The following MAGI1 variants were observed in gnomAD, a reference collection of about 807,000 sequenced individuals.
MAGI1 encodes membrane associated guanylate kinase, WW and PDZ domain containing 1, also known as membrane-associated guanylate kinase, WW and PDZ domain-containing protein 1.
In MAGI1, 58 loss-of-function variants were observed where a neutral mutation model predicts 139.9. The observed-to-expected ratio is 0.41, with a 90% confidence interval of 0.34 to 0.52. The LOEUF (loss-of-function observed/expected upper bound fraction) is 0.52. Among genes scored for constraint, MAGI1 ranks in the 20% least tolerant of loss-of-function variants. The probability of loss-of-function intolerance (pLI) is 0.12; values close to 1 mark genes in which losing one functional copy is unlikely to be tolerated. For synonymous variants in MAGI1, 812 were observed against 737.9 expected (o/e 1.10, Z -1.63); for missense variants, 1,874 against 1,901.6 (o/e 0.99, Z 0.27).
At chr3:65,379,627 C>T (rs1207171370) in intron 16 of MAGI1, 73 bp from the exon 17 acceptor site, 23 of 1,541,916 alleles carry the variant, frequency 1.5e-5, no homozygotes, top group African/African-American at 2.7e-5. Flanking sequence ...TCCCTCCTTC[C>T]AGCAACTCCT....
intron 12 of MAGI1, among the ~76,000 whole-genome samples, chr3:65,410,887 T>A (rs1265315875): frequency 2.0e-5 from 3 of 152,282 alleles, no homozygotes; most frequent in Non-Finnish European, 2.9e-5. Context: ...AGTTTCAAAG[T>A]GGGCAGGAGC....
intron 2 of MAGI1, among the ~76,000 whole-genome samples, chr3:65,595,557 GC>G (rs1377877614): frequency 6.6e-6 from 1 of 152,116 alleles, no homozygotes; most frequent in Non-Finnish European, 1.5e-5. Context: ...AAACACACAT[GC>G]CCATGCTTTT....
At chr3:65,950,950 AGAAGAAAGAGAAGGAAGGAAG>A (rs1446110497) in intron 1 of MAGI1, among the ~76,000 whole-genome samples, 5 of 143,214 alleles carry the variant, frequency 3.5e-5, no homozygotes, top group African/African-American at 1.3e-4. Context: ...ATAGTTGGTG[AGAAGAAAGAGAAGGAAGGAAG>A]GAAGGAAGGA....
At chr3:65,484,392 A>G (rs1462636356) in intron 3 of MAGI1, among the ~76,000 whole-genome samples, 2 of 152,096 alleles carry the variant, frequency 1.3e-5, no homozygotes, top group Non-Finnish European at 2.9e-5. Context: ...GATGGTAGTG[A>G]CCACCTATGG....
At chr3:65,967,275 C>A (rs762202933) in intron 1 of MAGI1, among the ~76,000 whole-genome samples, 1 of 152,170 alleles carries the variant, frequency 6.6e-6, no homozygotes, top group African/African-American at 2.4e-5. Context: ...AGCGGGCATA[C>A]AGGTGTTTGC....
At chr3:65,958,500 C>T (rs541575518) in intron 1 of MAGI1, among the ~76,000 whole-genome samples, 126 of 152,268 alleles carry the variant, frequency 8.3e-4, no homozygotes, top group African/African-American at 2.9e-3. Flanking sequence ...CCGAAAATAG[C>T]CTTAGACTGG....
intron 1 of MAGI1, among the ~76,000 whole-genome samples, chr3:65,868,385 A>G (rs1210072759): frequency 1.3e-5 from 2 of 152,188 alleles, no homozygotes; most frequent in African/African-American, 4.8e-5. Flanking sequence ...CAAATCTCAA[A>G]GACGTGACAC....
intron 1 of MAGI1, among the ~76,000 whole-genome samples, chr3:65,849,796 A>C (rs2059143937): frequency 6.6e-6 from 1 of 152,200 alleles, no homozygotes; most frequent in Non-Finnish European, 1.5e-5. Flanking sequence ...GAAGAACATT[A>C]ACTGAGCTAA....
Position 65,453,291 on chromosome 3 carries a change from G to A in MAGI1, c.1009C>T (p.Gln337Ter). 6.2e-7 allele frequency: 1 copy of A among 1,613,014 alleles called. No individual in the cohort carries two copies. Among genetic ancestry groups the A allele is most frequent in the Non-Finnish European group, 8.5e-7 (1 of 1,179,878 alleles). The part of the protein sequence containing the change: ...SWLDPRCLNK[Q>*]QKPLEECEDD... ...TCACACTCTTCCAGTGGCTTCTGCT[G>A]CTTGTTTAGGCACCGAGGGTCTAAC... The change falls in exon 6 of 23, where the codon CAG becomes TAG. Residue 337 changes from glutamine to a stop codon, truncating the protein, a stop_gained. Transcript: ENST00000402939. LOFTEE classifies it high-confidence loss of function.
At chr3:65,673,027 C>T (rs980108257) in intron 1 of MAGI1, among the ~76,000 whole-genome samples, 9 of 151,958 alleles carry the variant, frequency 5.9e-5, no homozygotes, top group Non-Finnish European at 1.2e-4. Flanking sequence ...AATATTTGTT[C>T]CCAACTCAAA....
At position 65,393,713 on chromosome 3, in the gene MAGI1, T is replaced by G. The variant is rs147160774; in HGVS notation, c.2200-2355A>C. 1.7e-4 allele frequency among the ~76,000 whole-genome samples: 26 copies of G among 152,252 alleles called. No individual in the cohort carries two copies. In the East Asian group the frequency reaches 3.5e-3, roughly 20 times the overall value. ...TCAAATTAATAGATGCCAGATTGAT[T>G]CCAGGGTCGGCCTATAAGCACTAAA... On this transcript the variant is annotated intron_variant, in intron 13 of 22. Coordinates refer to ENST00000402939, the MANE Select transcript of MAGI1 (RefSeq NM_001033057.2).
intron 2 of MAGI1, chr3:65,597,817 G>A (rs2082289492): frequency 4.4e-6 from 2 of 456,004 alleles, no homozygotes; most frequent in South Asian, 3.1e-5. Flanking sequence ...GTACTTGCCT[G>A]CAAACCCCAG....
At chr3:65,573,899 G>A (rs951370355) in intron 2 of MAGI1, among the ~76,000 whole-genome samples, 3 of 152,068 alleles carry the variant, frequency 2.0e-5, no homozygotes, top group Admixed American at 2.0e-4. Context: ...CCATTCACTT[G>A]TGTATTATCT....
chr3:65,436,743 C>G (rs1174750933), intron 10 of MAGI1, among the ~76,000 whole-genome samples: 2 of 151,928 alleles, frequency 1.3e-5, no homozygotes, highest in East Asian at 3.9e-4. Flanking sequence ...CCAGAGACAT[C>G]TGGCAATGTC....
intron 1 of MAGI1, among the ~76,000 whole-genome samples, chr3:65,672,366 A>C (rs1251827422): frequency 5.9e-5 from 9 of 152,250 alleles, no homozygotes; most frequent in African/African-American, 2.2e-4. Context: ...GTATATGCTA[A>C]TTAAGCTCCA....
intron 1 of MAGI1, among the ~76,000 whole-genome samples, chr3:65,693,001 G>T (rs1253310988): frequency 2.0e-5 from 3 of 152,084 alleles, no homozygotes; most frequent in African/African-American, 7.2e-5. Flanking sequence ...GCACAATCAT[G>T]GCTCACTGCA....
Position 65,363,459 on chromosome 3 carries a change from A to T in MAGI1, c.3495+6T>A. On this transcript the variant is annotated splice_donor_region_variant and intron_variant, in intron 21 of 22. Coordinates refer to ENST00000402939, the MANE Select transcript of MAGI1 (RefSeq NM_001033057.2). ...GCACCTACCCCAGACTCCTCTCTCC[A>T]CTTACCCTCATCTTTCCACACCTCT... 1.2e-6 allele frequency: 2 copies of T among 1,607,192 alleles called. No individual in the cohort carries two copies. Among genetic ancestry groups the T allele is most frequent in the Non-Finnish European group, 1.7e-6 (2 of 1,176,438 alleles).
chr3:65,792,995 T>C (rs1287260722), intron 1 of MAGI1, among the ~76,000 whole-genome samples: 12 of 152,008 alleles, frequency 7.9e-5, no homozygotes, highest in African/African-American at 2.9e-4. Context: ...AAATAGGGCA[T>C]TTGAGTTTGG....
At chr3:65,397,923 C>A (rs1364132667) in intron 13 of MAGI1, among the ~76,000 whole-genome samples, 1 of 152,012 alleles carries the variant, frequency 6.6e-6, no homozygotes, top group East Asian at 1.9e-4. Flanking sequence ...AATTCTTATC[C>A]AATATTGGCA....
Sources: gnomAD v4.1 joint callset for allele counts (sites outside exome capture counted in the v4.1 genomes callset) on GRCh38, gnomAD v4.1.1 for gene constraint, MANE v1.5 for transcripts, NCBI Gene and HGNC (gene_info 2026-07-23, HGNC 2026-07-21) for gene names.